The following NUP210L variants were observed in gnomAD, a reference collection of about 807,000 sequenced individuals.
The protein encoded by NUP210L is nuclear pore membrane glycoprotein 210-like.
Under a neutral mutation model 208.5 loss-of-function variants are expected in NUP210L, and 74 were observed. The observed-to-expected ratio is 0.35, with a 90% CI of 0.29 to 0.43. The LOEUF (loss-of-function observed/expected upper bound fraction) is 0.43, where lower values mean the gene tolerates loss of function less well. NUP210L is among the 20% of genes least tolerant of loss of function. The pLI is 1.00. For missense variants in NUP210L, 1,843 were observed against 2,289.4 expected (o/e 0.81, Z 3.98); for synonymous variants, 780 against 816.9 (o/e 0.95, Z 0.77).
intron 16 of NUP210L, chr1:154,079,309 G>T (rs1270263888): frequency 7.9e-5 from 12 of 151,212 alleles, no homozygotes; most frequent in African/African-American, 2.9e-4. Flanking sequence ...ATTTTTTTTT[G>T]AGAGGGGTCT....
chr1:154,086,725 T>G (rs1655645021), intron 16 of NUP210L, among the ~76,000 whole-genome samples: 1 of 151,478 alleles, frequency 6.6e-6, no homozygotes, highest in South Asian at 2.1e-4. Flanking sequence ...GGTGAGAGGA[T>G]AGTTAGCTTG....
chr1:153,996,450 G>C (rs1391471860), intron 37 of NUP210L, among the ~76,000 whole-genome samples: 2 of 151,936 alleles, frequency 1.3e-5, no homozygotes, highest in African/African-American at 4.8e-5. Flanking sequence ...TTTTGAGAGG[G>C]AGTCTCTGTT....
intron 38 of NUP210L, among the ~76,000 whole-genome samples, chr1:153,994,619 A>G (rs977090682): frequency 1.3e-5 from 2 of 150,538 alleles, no homozygotes; most frequent in African/African-American, 4.9e-5. Context: ...GCTGAGGGGG[A>G]CCTTTAATCC....
chr1:154,114,467 T>G (rs887502638), intron 12 of NUP210L, among the ~76,000 whole-genome samples: 4 of 152,162 alleles, frequency 2.6e-5, no homozygotes, highest in African/African-American at 9.6e-5. Context: ...ACTAACCATA[T>G]GCAAACTCTC....
chr1:153,993,677 C>T (rs1449552398), intron 38 of NUP210L, among the ~76,000 whole-genome samples: 2 of 151,406 alleles, frequency 1.3e-5, no homozygotes, highest in Non-Finnish European at 2.9e-5. Context: ...CTTTGGGAGG[C>T]CTAGGTGGGC....
rs868107368 is a variant in NUP210L, at chr1:154,017,297, A to G, written c.4653+1636T>C. Among the ~76,000 whole-genome samples the G allele has an allele frequency of 2.0e-3, 293 of 146,610 alleles. 1 individual carries two copies. Among genetic ancestry groups the G allele is most frequent in the African/African-American group, 3.1e-3 (126 of 40,110 alleles). On this transcript the variant is annotated intron_variant, in intron 33 of 39. Transcript: ENST00000368559. ...TTCTGTCTCCAACAAAAAAAAAAAA[A>G]GGGGGGGGCTCAGGTCACTTTGCTG... is the stretch of plus-strand genomic sequence containing the variant.
intron 27 of NUP210L, 123 bp downstream of exon 27, chr1:154,045,946 C>CT (rs1247208980): frequency 1.1e-6 from 1 of 872,090 alleles, no homozygotes; most frequent in Non-Finnish European, 1.7e-6. Context: ...GATTGCACCA[C>CT]TGCACTCCAG....
At chr1:154,138,259 A>T (rs771397739) in intron 5 of NUP210L, 21 bp from the exon 6 acceptor site, 2 of 1,388,230 alleles carry the variant, frequency 1.4e-6, no homozygotes, top group Non-Finnish European at 1.9e-6. Context: ...GAGGGAAGGA[A>T]AAAAAAAAAC....
chr1:154,127,935 C>A lies in NUP210L; in HGVS notation c.1079-518G>T, dbSNP rs564891569. 1.1e-3 allele frequency among the ~76,000 whole-genome samples: 164 copies of A among 152,160 alleles called. 1 individual carries two copies. The highest frequency in any genetic ancestry group is 3.8e-3 in the African/African-American group (158 of 41,526). The stretch of plus-strand genomic sequence containing the variant: ...CTGGAGTGCAGTGGTGTCATCATGA[C>A]TCACTGCAGCCTCGACCTCCTGGGC... On this transcript the variant is annotated intron_variant, in intron 8 of 39. Transcript: ENST00000368559.
At chr1:154,129,813 GTTGA>G (rs989458505) in intron 7 of NUP210L, among the ~76,000 whole-genome samples, 1 of 152,188 alleles carries the variant, frequency 6.6e-6, no homozygotes, top group African/African-American at 2.4e-5. Context: ...AAAATTACTA[GTTGA>G]TTTTCTGTTA....
intron 17 of NUP210L, among the ~76,000 whole-genome samples, chr1:154,067,082 A>G (rs1316429857): frequency 6.6e-6 from 1 of 152,204 alleles, no homozygotes; most frequent in Non-Finnish European, 1.5e-5. Context: ...AATCCTCCCT[A>G]ACTCATTTTA....
At chr1:154,146,506 T>A (rs1421142741) in intron 2 of NUP210L, among the ~76,000 whole-genome samples, 1 of 151,726 alleles carries the variant, frequency 6.6e-6, no homozygotes, top group Non-Finnish European at 1.5e-5. Context: ...GTGGCACCCA[T>A]CTATGGTTCC....
intron 16 of NUP210L, among the ~76,000 whole-genome samples, chr1:154,077,771 G>C (rs912939949): frequency 6.6e-6 from 1 of 152,098 alleles, no homozygotes; most frequent in African/African-American, 2.4e-5. Flanking sequence ...GATCACCTGA[G>C]GTCAGAAGTT....
intron 27 of NUP210L, among the ~76,000 whole-genome samples, chr1:154,030,547 C>G (rs1652156183): frequency 6.6e-6 from 1 of 152,080 alleles, no homozygotes; most frequent in Admixed American, 6.6e-5. Context: ...ATCTGCCCAC[C>G]TCAGCCTCTC....
chr1:154,046,587 C>T (rs1653196435), intron 25 of NUP210L, among the ~76,000 whole-genome samples: 1 of 152,122 alleles, frequency 6.6e-6, no homozygotes, highest in Non-Finnish European at 1.5e-5. Context: ...ATATGTACAA[C>T]AGAGTACTAT....
intron 16 of NUP210L, among the ~76,000 whole-genome samples, chr1:154,084,388 T>A (rs1242076856): frequency 6.6e-6 from 1 of 151,642 alleles, no homozygotes; most frequent in African/African-American, 2.4e-5. Flanking sequence ...ATTTTTGTAT[T>A]TTTAGTAGAG....
At chr1:154,042,521 G>C (rs1456196057) in intron 27 of NUP210L, among the ~76,000 whole-genome samples, 1 of 151,832 alleles carries the variant, frequency 6.6e-6, no homozygotes. Flanking sequence ...CCGCCTCCTG[G>C]GTTCATGCCA....
intron 12 of NUP210L, among the ~76,000 whole-genome samples, chr1:154,112,954 T>C (rs541837826): frequency 6.6e-5 from 10 of 151,684 alleles, no homozygotes; most frequent in Admixed American, 2.0e-4. Flanking sequence ...GTCAGGAGTT[T>C]GAGGCAAGCC....
intron 35 of NUP210L, among the ~76,000 whole-genome samples, chr1:154,004,918 AT>A (rs537070712): frequency 1.4e-5 from 2 of 141,496 alleles, no homozygotes; most frequent in East Asian, 4.3e-4. Context: ...TAGTGGCATA[AT>A]TTTGGCTCAC....
Sources: gnomAD v4.1 joint callset for allele counts (sites outside exome capture counted in the v4.1 genomes callset) on GRCh38, gnomAD v4.1.1 for gene constraint, MANE v1.5 for transcripts, NCBI Gene and HGNC (gene_info 2026-07-23, HGNC 2026-07-21) for gene names.